Variants in KAZN observed in about 807,000 individuals in gnomAD.
KAZN encodes the protein kazrin, periplakin interacting protein, also known as kazrin.
KAZN carries 40 observed loss-of-function variants against 87.4 expected under a neutral mutation model. The observed-to-expected ratio is 0.46, with a 90% CI of 0.36 to 0.60. The LOEUF (loss-of-function observed/expected upper bound fraction) is 0.60, where lower values mean the gene tolerates loss of function less well. Ranked by LOEUF, KAZN falls within the 20% of genes least tolerant of loss-of-function variation. The probability of loss-of-function intolerance (pLI) is 0.00; values close to 1 mark genes in which losing one functional copy is unlikely to be tolerated. For missense variants in KAZN, 898 were observed against 1,073.9 expected (o/e 0.84, Z 2.29); for synonymous variants, 466 against 458.3 (o/e 1.02, Z -0.22).
intron 2 of KAZN, among the ~76,000 whole-genome samples, chr1:14,493,530 T>C (rs532414379): frequency 6.6e-6 from 1 of 152,282 alleles, no homozygotes; most frequent in Non-Finnish European, 1.5e-5. Context: ...CCTCCCACAA[T>C]GTATGTTGTT....
chr1:14,214,903 T>A (rs1444930612), intron 2 of KAZN, among the ~76,000 whole-genome samples: 1 of 152,122 alleles, frequency 6.6e-6, no homozygotes, highest in African/African-American at 2.4e-5. Context: ...GAACTTATGG[T>A]TGGGAAGGAA....
At chr1:14,180,658 C>A in intron 2 of KAZN, 2 of 1,403,468 alleles carry the variant, frequency 1.4e-6, no homozygotes, top group Non-Finnish European at 9.6e-7. Context: ...TTGGCATAAG[C>A]TGTCCAAAAA....
intron 2 of KAZN, among the ~76,000 whole-genome samples, chr1:14,328,621 T>A (rs1656611095): frequency 6.6e-6 from 1 of 151,860 alleles, no homozygotes; most frequent in African/African-American, 2.4e-5. Flanking sequence ...GAGAATGGTG[T>A]GAACCCGAGA....
chr1:14,993,353 C>T (rs944817985), intron 2 of KAZN, among the ~76,000 whole-genome samples: 2 of 151,700 alleles, frequency 1.3e-5, no homozygotes, highest in Non-Finnish European at 1.5e-5. Flanking sequence ...CCTGTAATCC[C>T]AGCTACTGAG....
At chr1:14,966,383 C>G (rs988934469) in intron 2 of KAZN, among the ~76,000 whole-genome samples, 1 of 152,190 alleles carries the variant, frequency 6.6e-6, no homozygotes, top group African/African-American at 2.4e-5. Context: ...TCACTGGTGT[C>G]TGGCTTCATA....
rs751778438 is a variant in KAZN at position 15,044,084 on chromosome 1, C to A, written c.651C>A (p.Asp217Glu). The A allele has an allele frequency of 1.2e-6, 2 of 1,612,906 alleles. No individual in the cohort carries two copies. Among genetic ancestry groups the A allele is most frequent in the Non-Finnish European group, 1.7e-6 (2 of 1,179,846 alleles). The change falls in exon 4 of 15, where the codon GAC becomes GAA. Residue 217 changes from aspartate (D) to glutamate (E), a missense_variant. Transcript: ENST00000376030. ...ELRRQAKEATDHATALRSQLD... is the reference protein window; with the variant it reads ...ELRRQAKEATEHATALRSQLD... ...GGCGCCAAGCCAAGGAGGCCACAGA[C>A]CACGCCACGGCACTGCGCTCCCAGC...
Position 14,239,451 on chromosome 1 carries a change from G to GGTTCTTTTTTTTTTTTTTTTTTTT in KAZN, c.249+58859_249+58860insGTTCTTTTTTTTTTTTTTTTTTTT, listed in dbSNP as rs1337342923. 3.6e-5 allele frequency among the ~76,000 whole-genome samples: 4 copies of GGTTCTTTTTTTTTTTTTTTTTTTT among 110,644 alleles called. 2 individuals are homozygous for GGTTCTTTTTTTTTTTTTTTTTTTT. Among genetic ancestry groups the GGTTCTTTTTTTTTTTTTTTTTTTT allele is most frequent in the African/African-American group, 6.5e-5 (2 of 30,602 alleles). The allele number at this position is 110,644 out of a possible 152,430, so 72.6% of individuals were successfully genotyped here. ...GCAGTAAATTATACACATAAGTTGGGTTTCTTTTTTTTTTTTTTTTTTTTT... is the reference window on the plus strand; with the variant it reads ...GCAGTAAATTATACACATAAGTTGGGGTTCTTTTTTTTTTTTTTTTTTTTTTTCTTTTTTTTTTTTTTTTTTTTT... On this transcript the variant is annotated intron_variant, in intron 2 of 16. Coordinates refer to the KAZN transcript ENST00000636203.
chr1:14,881,776 A>G (rs1413972143), intron 1 of KAZN, among the ~76,000 whole-genome samples: 4 of 152,176 alleles, frequency 2.6e-5, no homozygotes, highest in Non-Finnish European at 4.4e-5. Context: ...CTCCCTCTGA[A>G]CTTGTTTCTG....
chr1:14,725,707 G>A (rs1643348284), intron 1 of KAZN, among the ~76,000 whole-genome samples: 2 of 152,084 alleles, frequency 1.3e-5, no homozygotes, highest in South Asian at 2.1e-4. Context: ...AATTTTTCCT[G>A]GTTGCTTTCC....
At chr1:14,295,867 G>C (rs1005205173) in intron 2 of KAZN, among the ~76,000 whole-genome samples, 3 of 152,138 alleles carry the variant, frequency 2.0e-5, no homozygotes, top group African/African-American at 4.8e-5. Flanking sequence ...TAGATCACGG[G>C]GTACTGTCTG....
In KAZN at chr1:15,056,007, C is replaced by T; in HGVS notation, c.727-84C>T. ...GGTGCAGAGGATCCGGGCTTTCTCCCCATGGCGGTGGGTGGTGCCAAGCAG... is the reference window on the plus strand; with the variant it reads ...GGTGCAGAGGATCCGGGCTTTCTCCTCATGGCGGTGGGTGGTGCCAAGCAG... On this transcript the variant is annotated intron_variant, in intron 4 of 14. Coordinates refer to ENST00000376030, the MANE Select transcript of KAZN (RefSeq NM_201628.3). The surrounding 1 kb of genome is among the most constrained non-coding windows in gnomAD (Gnocchi z 5.4). The T allele has an allele frequency of 7.3e-7, 1 of 1,363,510 alleles. No homozygotes were observed. The highest frequency in any genetic ancestry group is 1.0e-6 in the Non-Finnish European group (1 of 975,122). The allele number at this position is 1,363,510 out of a possible 1,614,324, so 84.5% of individuals were successfully genotyped here.
chr1:13,995,208 G>A (rs1639452300), intron 1 of KAZN, among the ~76,000 whole-genome samples: 1 of 109,366 alleles, frequency 9.1e-6, no homozygotes, highest in Non-Finnish European at 2.0e-5. Context: ...GTCTTAGACA[G>A]TGCAATAAGG....
At chr1:14,117,937 GCACC>G (rs540635101) in intron 1 of KAZN, among the ~76,000 whole-genome samples, 78 of 152,320 alleles carry the variant, frequency 5.1e-4, no homozygotes, top group African/African-American at 1.8e-3. Context: ...TCATTGATGA[GCACC>G]CTTTGCTATT....
chr1:15,042,126 G>C (rs569997956), intron 3 of KAZN, among the ~76,000 whole-genome samples: 1 of 152,184 alleles, frequency 6.6e-6, no homozygotes, highest in Non-Finnish European at 1.5e-5. Context: ...TGGTCTGTTC[G>C]TGAGTAGTAG....
chr1:14,176,742 T>C (rs546106606), intron 1 of KAZN, among the ~76,000 whole-genome samples: 1 of 152,348 alleles, frequency 6.6e-6, no homozygotes, highest in East Asian at 1.9e-4. Context: ...TTCTCCATGA[T>C]TCAAAACCCA....
At chr1:14,791,466 G>T (rs151042265) in intron 1 of KAZN, among the ~76,000 whole-genome samples, 72 of 152,318 alleles carry the variant, frequency 4.7e-4, no homozygotes, top group African/African-American at 1.7e-3. Context: ...GCTCTGCTGG[G>T]CCAAGGAAGC....
At chr1:14,267,249 T>C (rs1225438928) in intron 2 of KAZN, among the ~76,000 whole-genome samples, 2 of 151,274 alleles carry the variant, frequency 1.3e-5, no homozygotes, top group African/African-American at 4.9e-5. Context: ...TTGTAAGTAA[T>C]CTAGAGTTGA....
intron 4 of KAZN, among the ~76,000 whole-genome samples, chr1:15,054,843 C>A (rs371715943): frequency 1.3e-5 from 2 of 152,264 alleles, no homozygotes; most frequent in South Asian, 2.1e-4. Context: ...CCAGTCGAGG[C>A]GGCCTCCCGG....
intron 1 of KAZN, among the ~76,000 whole-genome samples, chr1:14,762,524 G>A (rs1324072934): frequency 6.6e-6 from 1 of 151,984 alleles, no homozygotes; most frequent in Admixed American, 6.5e-5. Flanking sequence ...AGGAAATCGA[G>A]ACCATCCTGG....
Sources: allele counts gnomAD v4.1 joint callset (sites outside exome capture counted in the v4.1 genomes callset), GRCh38; gene constraint gnomAD v4.1.1; non-coding constraint Gnocchi (gnomAD v3.1); transcripts MANE v1.5; gene names NCBI Gene and HGNC (gene_info 2026-07-23, HGNC 2026-07-21).